Variants in KDM4C observed in about 807,000 individuals in gnomAD.
The protein encoded by KDM4C is lysine demethylase 4C.
KDM4C carries 81 observed loss-of-function variants against 129.3 expected under a neutral mutation model. That is an observed-to-expected ratio of 0.63 (90% CI 0.52 to 0.75). The LOEUF (loss-of-function observed/expected upper bound fraction) is 0.75, where lower values mean the gene tolerates loss of function less well. KDM4C is among the 30% of genes least tolerant of loss of function. KDM4C has a pLI of 0.00. For missense variants in KDM4C, 1,457 were observed against 1,304.0 expected (o/e 1.12, Z -1.81); for synonymous variants, 573 against 456.1 (o/e 1.26, Z -3.26).
chr9:6,722,107 C>T lies in KDM4C; in HGVS notation c.49+1110C>T, dbSNP rs563906251. Reference sequence around the variant, plus strand: ...TGTTCCGTGCTGGTTCCCCAATAGCCTAGGACAACTCTGTTAGCCTTGACA... The same window carrying T: ...TGTTCCGTGCTGGTTCCCCAATAGCTTAGGACAACTCTGTTAGCCTTGACA... On this transcript the variant is annotated intron_variant, in intron 1 of 17. Coordinates refer to the KDM4C transcript ENST00000536108. Among the ~76,000 whole-genome samples the T allele has an allele frequency of 4.6e-5, 7 of 152,284 alleles. No homozygotes were observed. In the South Asian group the frequency reaches 1.2e-3, roughly 27 times the overall value.
intron 1 of KDM4C, among the ~76,000 whole-genome samples, chr9:6,750,547 A>G: frequency 6.6e-6 from 1 of 152,210 alleles, no homozygotes; most frequent in East Asian, 1.9e-4. Flanking sequence ...GTTCAGGAAC[A>G]ACTGAAAGCA....
intron 5 of KDM4C, among the ~76,000 whole-genome samples, chr9:6,876,373 C>G (rs1032738908): frequency 3.3e-5 from 5 of 152,102 alleles, no homozygotes; most frequent in Non-Finnish European, 2.9e-5. Context: ...TAATGAGCTC[C>G]TAAATATGAC....
intron 2 of KDM4C, among the ~76,000 whole-genome samples, chr9:6,795,418 G>T (rs1367498003): frequency 6.6e-6 from 1 of 152,182 alleles, no homozygotes. Context: ...TGCAACCTCT[G>T]CCTCCTGGTT....
At chr9:6,806,804 G>A (rs1013576479) in intron 3 of KDM4C, among the ~76,000 whole-genome samples, 4 of 151,998 alleles carry the variant, frequency 2.6e-5, no homozygotes, top group East Asian at 1.9e-4. Flanking sequence ...GAGAGAGATC[G>A]CAAGAAGGAA....
At position 6,766,459 on chromosome 9, in the gene KDM4C, C is replaced by CT. The variant is rs1392463389; in HGVS notation, c.-18+8259dup. ...TGTCAGACTTAGGACAGTTGGCCCC[C>CT]TTTAGTGGGGGTCTCGGTGTGGGAC... On this transcript the variant is annotated intron_variant, in intron 1 of 21. Transcript: ENST00000381309. 4.0e-5 allele frequency among the ~76,000 whole-genome samples: 6 copies of CT among 151,416 alleles called. No individual in the cohort carries two copies. The East Asian group carries it at 9.7e-4, about 25-fold the overall frequency.
intron 19 of KDM4C, among the ~76,000 whole-genome samples, chr9:7,162,874 A>G (rs1437959468): frequency 6.6e-6 from 1 of 152,144 alleles, no homozygotes; most frequent in Non-Finnish European, 1.5e-5. Flanking sequence ...CCCAATAAAT[A>G]GCATGTCTCG....
intron 1 of KDM4C, among the ~76,000 whole-genome samples, chr9:6,726,238 A>T (rs1817123385): frequency 6.6e-6 from 1 of 152,086 alleles, no homozygotes; most frequent in South Asian, 2.1e-4. Flanking sequence ...TCTCTTTTTA[A>T]AACTGGTCAG....
At chr9:7,153,303 A>G (rs144465899) in intron 19 of KDM4C, among the ~76,000 whole-genome samples, 3 of 152,288 alleles carry the variant, frequency 2.0e-5, no homozygotes, top group East Asian at 3.9e-4. Context: ...TGCTTATGAC[A>G]TGTTTAACAA....
chr9:6,880,411 T>C (rs1368910270), intron 6 of KDM4C, among the ~76,000 whole-genome samples: 1 of 152,188 alleles, frequency 6.6e-6, no homozygotes, highest in Non-Finnish European at 1.5e-5. Context: ...TAAATTAAGT[T>C]ACATTCTTCC....
At chr9:7,111,608 A>G (rs1464649551) in intron 18 of KDM4C, among the ~76,000 whole-genome samples, 1 of 152,144 alleles carries the variant, frequency 6.6e-6, no homozygotes, top group Non-Finnish European at 1.5e-5. Context: ...TTCTAAGCAC[A>G]GGGAATAGTG....
intron 15 of KDM4C, among the ~76,000 whole-genome samples, chr9:7,025,786 T>C (rs1431113228): frequency 6.6e-6 from 1 of 152,228 alleles, no homozygotes; most frequent in Non-Finnish European, 1.5e-5. Flanking sequence ...AAGATCAGAG[T>C]ATTTTATATA....
intron 17 of KDM4C, among the ~76,000 whole-genome samples, chr9:7,067,447 A>G (rs189060636): frequency 2.9e-4 from 44 of 152,316 alleles, no homozygotes; most frequent in African/African-American, 1.0e-3. Flanking sequence ...ATTACATTCT[A>G]TTTCTCTGAG....
At chr9:6,997,778 G>T (rs564003265) in intron 12 of KDM4C, among the ~76,000 whole-genome samples, 1 of 152,300 alleles carries the variant, frequency 6.6e-6, no homozygotes, top group Non-Finnish European at 1.5e-5. Flanking sequence ...GTTCATATAT[G>T]GATTTTGGGC....
chr9:7,059,919 G>C (rs1442170079), intron 17 of KDM4C, among the ~76,000 whole-genome samples: 1 of 151,770 alleles, frequency 6.6e-6, no homozygotes, highest in Non-Finnish European at 1.5e-5. Context: ...AAAAAATATT[G>C]TTAGATAAAA....
At chr9:6,982,657 C>CAGT (rs1158628068) in intron 9 of KDM4C, 1 of 152,202 alleles carries the variant, frequency 6.6e-6, no homozygotes, top group Non-Finnish European at 1.5e-5. Context: ...TGGAAGGAGG[C>CAGT]AGTATCCAAT....
At chr9:7,112,066 C>T (rs949768042) in intron 18 of KDM4C, among the ~76,000 whole-genome samples, 4 of 151,988 alleles carry the variant, frequency 2.6e-5, no homozygotes, top group African/African-American at 9.7e-5. Flanking sequence ...CCCACATGCA[C>T]AAAGTGGGTC....
At position 7,061,453 on chromosome 9, in the gene KDM4C, A is replaced by C. The variant is rs190338863; in HGVS notation, c.2424+12253A>C. On this transcript the variant is annotated intron_variant, in intron 17 of 21. Coordinates refer to ENST00000381309, the MANE Select transcript of KDM4C (RefSeq NM_015061.6). ...TCTGATAATCCTTGGTTGCTTGCCC[A>C]TTTTTAATAACGGGAGCTGAGCAGA... Among the ~76,000 whole-genome samples the C allele has an allele frequency of 1.1e-4, 16 of 152,298 alleles. No individual in the cohort carries two copies. The East Asian group carries it at 3.1e-3, about 29-fold the overall frequency.
chr9:6,724,428 A>G (rs1286025113), intron 1 of KDM4C, among the ~76,000 whole-genome samples: 1 of 152,222 alleles, frequency 6.6e-6, no homozygotes, highest in African/African-American at 2.4e-5. Context: ...TGGATCAAAA[A>G]TGAAAACATC....
At chr9:6,819,281 A>G (rs530609831) in intron 4 of KDM4C, among the ~76,000 whole-genome samples, 3 of 152,336 alleles carry the variant, frequency 2.0e-5, no homozygotes, top group Middle Eastern at 3.4e-3. Context: ...TGCAGTGCTT[A>G]TCAATTTACT....
Sources: gnomAD v4.1 joint callset for allele counts (sites outside exome capture counted in the v4.1 genomes callset) on GRCh38, gnomAD v4.1.1 for gene constraint, MANE v1.5 for transcripts, NCBI Gene and HGNC (gene_info 2026-07-23, HGNC 2026-07-21) for gene names.